The following TNFRSF18 variants were observed in gnomAD, a reference collection of about 807,000 sequenced individuals.
TNFRSF18 encodes tumor necrosis factor receptor superfamily member 18.
Under a neutral mutation model 30.2 loss-of-function variants are expected in TNFRSF18, and 36 were observed. The ratio of observed to expected loss-of-function variants is 1.19; its 90% CI spans 0.91 to 1.58. The LOEUF (loss-of-function observed/expected upper bound fraction) is 1.58. TNFRSF18 is among the 40% of genes most tolerant of loss of function. The pLI, the probability that TNFRSF18 is intolerant of heterozygous loss-of-function variation, is 0.00. For missense variants in TNFRSF18, 369 were observed against 345.4 expected (o/e 1.07, Z -0.54); for synonymous variants, 173 against 158.3 (o/e 1.09, Z -0.70).
chr1:1,204,127 G>C lies in TNFRSF18; in HGVS notation c.508C>G (p.Leu170Val). Residue 170 changes from leucine to valine, a missense_variant, in exon 4 of 5, where the codon CTC becomes GTC. Transcript: ENST00000379268. ...AEPLGWLTVV[L>V]LAVAACVLLL... ...AGGACGCAGGCGGCCACGGCCAGGAGGACGACGGTCAGCCACCCAAGCGGC... is the reference window on the plus strand; with the variant it reads ...AGGACGCAGGCGGCCACGGCCAGGACGACGACGGTCAGCCACCCAAGCGGC... 1 of 1,611,650 alleles carries C rather than the reference G, an allele frequency of 6.2e-7. No homozygotes were observed. Among genetic ancestry groups the C allele is most frequent in the Non-Finnish European group, 8.5e-7 (1 of 1,179,506 alleles).
chr1:1,204,375 C>T (rs751451322), intron 3 of TNFRSF18, 24 bp downstream of exon 3: 30 of 1,609,692 alleles, frequency 1.9e-5, no homozygotes, highest in South Asian at 1.6e-4. Context: ...ACCCGGCCAC[C>T]GGCAGGGCCC....
rs1648695437 is a variant in TNFRSF18, at chr1:1,204,251, C to T, written c.399-15G>A. 1.9e-6 allele frequency: 3 copies of T among 1,605,746 alleles called. No individual in the cohort carries two copies. Among genetic ancestry groups the T allele is most frequent in the Admixed American group, 1.7e-5 (1 of 59,280 alleles). On this transcript the variant is annotated splice_polypyrimidine_tract_variant and intron_variant, in intron 3 of 4. Coordinates refer to ENST00000379268, the MANE Select transcript of TNFRSF18 (RefSeq NM_004195.3). ...ACTGGGTGCAGCTGGAATACATGGACGCGGCCTCCTATCAGCCCCCGGACA... is the reference window on the plus strand; with the variant it reads ...ACTGGGTGCAGCTGGAATACATGGATGCGGCCTCCTATCAGCCCCCGGACA...
At chr1:1,204,292 C>T in intron 3 of TNFRSF18, 56 bp from the exon 4 acceptor site, 1 of 1,591,762 alleles carries the variant, frequency 6.3e-7, no homozygotes, top group Non-Finnish European at 8.6e-7. Flanking sequence ...TCCGATCAGC[C>T]CCCGGCTGCT....
intron 1 of TNFRSF18, 116 bp downstream of exon 1, chr1:1,206,269 C>T (rs1271815967): frequency 7.3e-6 from 9 of 1,230,522 alleles, no homozygotes; most frequent in African/African-American, 3.2e-5. Flanking sequence ...GCTCTGTGCC[C>T]ACCCTCCTTA....
At position 1,203,937 on chromosome 1, in the gene TNFRSF18, C is replaced by G. The variant is rs774229390; in HGVS notation, c.633G>C (p.Ser211=). 6.2e-7 allele frequency: 1 copy of G among 1,607,256 alleles called. No homozygotes were observed. The highest frequency in any genetic ancestry group is 1.1e-5 in the South Asian group (1 of 90,916). The change falls in exon 5 of 5, where the codon TCG becomes TCC. Residue 211 remains serine, a synonymous_variant. Coordinates refer to ENST00000379268, the MANE Select transcript of TNFRSF18 (RefSeq NM_004195.3). ...ETQLLLEVPP[S]TEDARSCQFP... Reference sequence around the variant, plus strand: ...ACTGGCAGCTTCTGGCGTCTTCGGTCGACGGCGGCACCTCCAGCAGCAGCT... The same window carrying G: ...ACTGGCAGCTTCTGGCGTCTTCGGTGGACGGCGGCACCTCCAGCAGCAGCT...
In TNFRSF18 at chr1:1,204,135, G is replaced by A; in HGVS notation, c.500C>T (p.Thr167Ile). Residue 167 changes from threonine to isoleucine, a missense_variant, in exon 4 of 5, where the codon ACC (threonine) becomes ATC (isoleucine). Thr to Ile is a moderately conservative substitution (Grantham distance 89, BLOSUM62 -1). Coordinates refer to ENST00000379268, the MANE Select transcript of TNFRSF18 (RefSeq NM_004195.3). ...GGCGGCCACGGCCAGGAGGACGACG[G>A]TCAGCCACCCAAGCGGCTCTGCCGG... Reference protein sequence around the residue: ...SPPAEPLGWLTVVLLAVAACV... With the variant: ...SPPAEPLGWLIVVLLAVAACV... 3 of 1,611,894 alleles carry A rather than the reference G, an allele frequency of 1.9e-6. No homozygotes were observed. The highest frequency in any genetic ancestry group is 2.5e-6 in the Non-Finnish European group (3 of 1,179,628).
At position 1,203,941 on chromosome 1, in the gene TNFRSF18, G is replaced by C; in HGVS notation, c.629C>G (p.Pro210Arg). ...GCAGCTTCTGGCGTCTTCGGTCGAC[G>C]GCGGCACCTCCAGCAGCAGCTGGGT... The part of the protein sequence containing the change: ...RETQLLLEVP[P>R]STEDARSCQF... The change falls in exon 5 of 5, where the codon CCG becomes CGG. Residue 210 changes from proline to arginine, a missense_variant. Physicochemically the swap from Pro to Arg is moderately radical, Grantham distance 103. Coordinates refer to ENST00000379268, the MANE Select transcript of TNFRSF18 (RefSeq NM_004195.3). The C allele has an allele frequency of 6.2e-7, 1 of 1,607,292 alleles. No homozygotes were observed. The highest frequency in any genetic ancestry group is 8.5e-7 in the Non-Finnish European group (1 of 1,179,034).
rs1426636287 is a variant in TNFRSF18 at position 1,206,592 on chromosome 1, C to T, written c.-21G>A. The T allele has an allele frequency of 3.4e-6, 5 of 1,469,382 alleles. No homozygotes were observed. Among genetic ancestry groups the T allele is most frequent in the Middle Eastern group, 2.3e-4 (1 of 4,316 alleles). 91.0% of individuals were successfully genotyped at this position (1,469,382 alleles called of 1,614,324 possible). Reference sequence around the variant, plus strand: ...GCCATGCTCGGGTTTCAAGAGCCCACAGCCAGTTGGACACGCCCCGTCCCC... The same window carrying T: ...GCCATGCTCGGGTTTCAAGAGCCCATAGCCAGTTGGACACGCCCCGTCCCC... On this transcript the variant is annotated 5_prime_UTR_variant, in exon 1 of 5. In the 5' UTR this introduces an upstream ATG that the reference lacks. Coordinates refer to ENST00000379268, the MANE Select transcript of TNFRSF18 (RefSeq NM_004195.3).
intron 2 of TNFRSF18, among the ~76,000 whole-genome samples, chr1:1,204,737 G>A (rs1648731045): frequency 6.6e-6 from 1 of 152,198 alleles, no homozygotes. Flanking sequence ...CAGTGGGCCT[G>A]CCAGGGAGGG....
Position 1,204,238 on chromosome 1 carries a change from T to TGGAATACATG in TNFRSF18, c.399-12_399-3dup. 6.2e-7 allele frequency: 1 copy of TGGAATACATG among 1,609,288 alleles called. No homozygotes were observed. Among genetic ancestry groups the TGGAATACATG allele is most frequent in the Non-Finnish European group, 8.5e-7 (1 of 1,178,028 alleles). ...GTGAGAAACCCGAACTGGGTGCAGC[T>TGGAATACATG]GGAATACATGGACGCGGCCTCCTAT... On this transcript the variant is annotated splice_polypyrimidine_tract_variant and splice_region_variant and intron_variant, in intron 3 of 4. Coordinates refer to ENST00000379268, the MANE Select transcript of TNFRSF18 (RefSeq NM_004195.3).
chr1:1,204,413 G>A lies in TNFRSF18; in HGVS notation c.384C>T (p.Cys128=). ...CCAGGACTCACTCTGTCCAAGGTTT[G>A]CAGTGGCCTTCGTGGCCCCCGGAGA... ...GTFSGGHEGH[C]KPWTDCTQFG... The change falls in exon 3 of 5, where the codon TGC becomes TGT. Residue 128 remains cysteine, a synonymous_variant. Coordinates refer to ENST00000379268, the MANE Select transcript of TNFRSF18 (RefSeq NM_004195.3). The A allele has an allele frequency of 6.2e-7, 1 of 1,612,592 alleles. No individual in the cohort carries two copies.
At chr1:1,205,607 C>G (rs1237188388) in intron 1 of TNFRSF18, 115 bp from the exon 2 acceptor site, 2 of 1,189,676 alleles carry the variant, frequency 1.7e-6, no homozygotes, top group East Asian at 2.5e-5. Context: ...ACAGTTGGCT[C>G]CAGGGAGCAG....
chr1:1,204,401 T>C lies in TNFRSF18; in HGVS notation c.396A>G (p.Thr132=), dbSNP rs1433569537. The C allele has an allele frequency of 3.1e-6, 5 of 1,612,356 alleles. No individual in the cohort carries two copies. The highest frequency in any genetic ancestry group is 2.7e-5 in the African/African-American group (2 of 74,916). The change falls in exon 3 of 5, where the codon ACA becomes ACG. Residue 132 remains threonine, a splice_region_variant and synonymous_variant. Coordinates refer to ENST00000379268, the MANE Select transcript of TNFRSF18 (RefSeq NM_004195.3). ...GGHEGHCKPW[T]DCTQFGFLTV... ...GGCAGGGCCCACCCAGGACTCACTC[T>C]GTCCAAGGTTTGCAGTGGCCTTCGT...
chr1:1,205,012 C>G (rs891848846), intron 2 of TNFRSF18, among the ~76,000 whole-genome samples: 1 of 152,158 alleles, frequency 6.6e-6, no homozygotes, highest in Non-Finnish European at 1.5e-5. Context: ...GCCCCAGGCC[C>G]CAGACAGGAC....
intron 1 of TNFRSF18, 39 bp downstream of exon 1, chr1:1,206,346 C>T (rs971413524): frequency 4.5e-6 from 7 of 1,539,660 alleles, no homozygotes; most frequent in Non-Finnish European, 6.1e-6. Flanking sequence ...CCGCGGGACG[C>T]CTTGGCCGGT....
In TNFRSF18 at chr1:1,203,867, G is replaced by T. The variant is rs140188244; in HGVS notation, c.703C>A (p.Arg235=). The T allele has an allele frequency of 6.3e-7, 1 of 1,598,938 alleles. No homozygotes were observed. Among genetic ancestry groups the T allele is most frequent in the Admixed American group, 1.7e-5 (1 of 59,204 alleles). ...GCTCACACCCACAGGTCTCCCAGCC[G>T]CCCCTTCTCCTCTGCCGATCGCTCG... is the stretch of plus-strand genomic sequence containing the variant. ...RGERSAEEKG[R]LGDLWV is the part of the protein sequence containing the mutation. The change falls in exon 5 of 5, where the codon CGG becomes AGG. Residue 235 remains arginine, a synonymous_variant. Coordinates refer to ENST00000379268, the MANE Select transcript of TNFRSF18 (RefSeq NM_004195.3).
At position 1,203,802 on chromosome 1, in the gene TNFRSF18, G is replaced by T. The variant is rs774355848; in HGVS notation, c.*42C>A. On this transcript the variant is annotated 3_prime_UTR_variant, in exon 5 of 5. Coordinates refer to ENST00000379268, the MANE Select transcript of TNFRSF18 (RefSeq NM_004195.3). The stretch of plus-strand genomic sequence containing the variant: ...CCCTGCGGCCTGGGGAGCTCCTGGG[G>T]AGGGGCTGGCTGCGGTCGGTGGCCC... 6.8e-5 allele frequency: 107 copies of T among 1,574,688 alleles called. No homozygotes were observed. Among genetic ancestry groups the T allele is most frequent in the Non-Finnish European group, 8.4e-5 (98 of 1,166,624 alleles).
Position 1,204,119 on chromosome 1 carries a change from G to A in TNFRSF18, c.516C>T (p.Ala172=), listed in dbSNP as rs763396624. 5.2e-5 allele frequency: 83 copies of A among 1,611,068 alleles called. No individual in the cohort carries two copies. Among genetic ancestry groups the A allele is most frequent in the African/African-American group, 3.5e-4 (26 of 74,924 alleles). ...PLGWLTVVLL[A]VAACVLLLTS... ...TCAGGAGGAGGACGCAGGCGGCCAC[G>A]GCCAGGAGGACGACGGTCAGCCACC... Residue 172 remains alanine (A), a synonymous_variant, in exon 4 of 5, where the codon GCC becomes GCT. Transcript: ENST00000379268.
At chr1:1,204,554 G>A (rs902410331) in intron 2 of TNFRSF18, 68 bp from the exon 3 acceptor site, 17 of 1,269,650 alleles carry the variant, frequency 1.3e-5, no homozygotes, top group South Asian at 3.6e-5. Flanking sequence ...TGAGGAGGGC[G>A]TCAGGCCAGT....
Sources: gnomAD v4.1 joint callset for allele counts (sites outside exome capture counted in the v4.1 genomes callset) on GRCh38, gnomAD v4.1.1 for gene constraint, MANE v1.5 for transcripts, NCBI Gene and HGNC (gene_info 2026-07-23, HGNC 2026-07-21) for gene names.